CPA6: variants seen among roughly 807,000 people sequenced by gnomAD.
CPA6 encodes carboxypeptidase A6, also known as carboxypeptidase B.
Under a neutral mutation model 63.3 loss-of-function variants are expected in CPA6, and 58 were observed. The observed-to-expected ratio is 0.92, with a 90% CI of 0.74 to 1.14. CPA6 has a LOEUF of 1.14. Ranked by LOEUF, CPA6 falls within the 50% of genes most tolerant of loss-of-function variation. The probability of loss-of-function intolerance (pLI) is 0.00; values close to 1 mark genes in which losing one functional copy is unlikely to be tolerated. For synonymous variants in CPA6, 185 were observed against 179.0 expected (o/e 1.03, Z -0.27); for missense variants, 565 against 526.6 (o/e 1.07, Z -0.71).
chr8:67,590,068 TG>T (rs1814071560), intron 2 of CPA6, among the ~76,000 whole-genome samples: 1 of 144,770 alleles, frequency 6.9e-6, no homozygotes, highest in Non-Finnish European at 1.5e-5. Flanking sequence ...GTCCCCAGAG[TG>T]TGATGTTCCC....
At chr8:67,582,962 G>A (rs897076488) in intron 2 of CPA6, among the ~76,000 whole-genome samples, 1 of 152,012 alleles carries the variant, frequency 6.6e-6, no homozygotes, top group African/African-American at 2.4e-5. Context: ...GTGGCATGAC[G>A]GTTGTTTTTG....
chr8:67,738,193 C>A (rs1228830218), intron 1 of CPA6, among the ~76,000 whole-genome samples: 1 of 152,186 alleles, frequency 6.6e-6, no homozygotes, highest in Non-Finnish European at 1.5e-5. Flanking sequence ...AACATGTTCT[C>A]CCAGATCTGG....
At chr8:67,582,337 T>A (rs1359123495) in intron 2 of CPA6, among the ~76,000 whole-genome samples, 1 of 152,196 alleles carries the variant, frequency 6.6e-6, no homozygotes, top group African/African-American at 2.4e-5. Context: ...AGCCTATGAA[T>A]GCTGTCACCA....
intron 8 of CPA6, among the ~76,000 whole-genome samples, chr8:67,478,757 C>G (rs1797230520): frequency 6.6e-6 from 1 of 152,198 alleles, no homozygotes; most frequent in South Asian, 2.1e-4. Flanking sequence ...ACACCCCTGG[C>G]TGGGCATGGT....
chr8:67,606,147 A>T (rs1814630961), intron 2 of CPA6, among the ~76,000 whole-genome samples: 1 of 133,438 alleles, frequency 7.5e-6, no homozygotes. Flanking sequence ...ACACATGGAC[A>T]CAGGAAGGGG....
At chr8:67,437,612 G>T (rs1810190969) in intron 8 of CPA6, among the ~76,000 whole-genome samples, 1 of 152,106 alleles carries the variant, frequency 6.6e-6, no homozygotes, top group South Asian at 2.1e-4. Context: ...ATGTAGGAGG[G>T]CACTGGAAAC....
intron 5 of CPA6, among the ~76,000 whole-genome samples, chr8:67,508,720 A>G (rs1430383916): frequency 6.6e-6 from 1 of 152,074 alleles, no homozygotes; most frequent in Non-Finnish European, 1.5e-5. Context: ...ATGATAGGAG[A>G]GGAAGTAGAG....
intron 8 of CPA6, among the ~76,000 whole-genome samples, chr8:67,444,515 G>A (rs1298407359): frequency 6.6e-6 from 1 of 151,964 alleles, no homozygotes; most frequent in African/African-American, 2.4e-5. Context: ...TGAGTGCAGT[G>A]GCTCATGCCT....
At chr8:67,668,048 C>T (rs1381222763) in intron 1 of CPA6, among the ~76,000 whole-genome samples, 1 of 152,176 alleles carries the variant, frequency 6.6e-6, no homozygotes, top group African/African-American at 2.4e-5. Context: ...TAAAAAAGAG[C>T]CATATTCACT....
intron 2 of CPA6, among the ~76,000 whole-genome samples, chr8:67,573,782 C>A (rs1006390307): frequency 4.0e-5 from 6 of 149,422 alleles, no homozygotes; most frequent in African/African-American, 1.5e-4. Flanking sequence ...GTCCCAGCTA[C>A]TCGGGAGGCT....
intron 1 of CPA6, among the ~76,000 whole-genome samples, chr8:67,662,414 T>C (rs1816130857): frequency 6.7e-6 from 1 of 148,642 alleles, no homozygotes; most frequent in South Asian, 2.1e-4. Context: ...CACACACGTA[T>C]ATGTATATAT....
intron 6 of CPA6, among the ~76,000 whole-genome samples, chr8:67,491,734 G>GT (rs1372332670): frequency 6.6e-6 from 1 of 152,154 alleles, no homozygotes; most frequent in Non-Finnish European, 1.5e-5. Context: ...AAGTACAGAT[G>GT]TCTTCACTTT....
intron 10 of CPA6, among the ~76,000 whole-genome samples, chr8:67,426,770 C>A (rs1587411697): frequency 6.6e-6 from 1 of 152,146 alleles, no homozygotes; most frequent in Non-Finnish European, 1.5e-5. Flanking sequence ...TTCATTTGCA[C>A]ACACCGACAT....
At chr8:67,533,518 G>A (rs188378651) in intron 2 of CPA6, among the ~76,000 whole-genome samples, 10 of 152,248 alleles carry the variant, frequency 6.6e-5, no homozygotes, top group South Asian at 4.1e-4. Flanking sequence ...ACTATAGTTC[G>A]GATATCAGCT....
intron 2 of CPA6, among the ~76,000 whole-genome samples, chr8:67,607,170 T>C (rs1814669390): frequency 6.6e-4 from 2 of 3,018 alleles, no homozygotes; most frequent in African/African-American, 1.4e-3. Flanking sequence ...TTCTTCTTCC[T>C]CTTCTTCTTC....
At chr8:67,447,342 T>A (rs996217641) in intron 8 of CPA6, among the ~76,000 whole-genome samples, 1 of 152,098 alleles carries the variant, frequency 6.6e-6, no homozygotes, top group East Asian at 1.9e-4. Flanking sequence ...TTTACCATGA[T>A]GAAACAATAC....
chr8:67,445,671 T>C, intron 8 of CPA6, among the ~76,000 whole-genome samples: 1 of 152,172 alleles, frequency 6.6e-6, no homozygotes, highest in East Asian at 1.9e-4. Flanking sequence ...AGTGTCTACA[T>C]GTTGTTTTTC....
Position 67,624,159 on chromosome 8 carries a change from T to C in CPA6, c.192+17A>G. On this transcript the variant is annotated intron_variant, in intron 2 of 10. Transcript: ENST00000297770. ...CACAAGCACAATTCTACCATAAGTG[T>C]GTAGATGTTCTATTACCTTAAGTTG... 7.1e-7 allele frequency: 1 copy of C among 1,407,970 alleles called. No homozygotes were observed. Among genetic ancestry groups the C allele is most frequent in the Non-Finnish European group, 1.0e-6 (1 of 996,422 alleles). The allele number at this position is 1,407,970 out of a possible 1,614,324, so 87.2% of individuals were successfully genotyped here. A position where few individuals can be genotyped will look rare whatever the true frequency, so the allele number is the denominator to read the frequency against.
At chr8:67,579,382 C>T (rs1427779873) in intron 2 of CPA6, among the ~76,000 whole-genome samples, 2 of 152,152 alleles carry the variant, frequency 1.3e-5, no homozygotes, top group African/African-American at 2.4e-5. Context: ...CACTGCACTC[C>T]AGCCTGGGTG....
Sources: gnomAD v4.1 joint callset for allele counts (sites outside exome capture counted in the v4.1 genomes callset) on GRCh38, gnomAD v4.1.1 for gene constraint, MANE v1.5 for transcripts, NCBI Gene and HGNC (gene_info 2026-07-23, HGNC 2026-07-21) for gene names.